The following WDR75 variants were observed in gnomAD, a reference collection of about 807,000 sequenced individuals.
WDR75 encodes WD repeat domain 75.
WDR75 carries 52 observed loss-of-function variants against 106.1 expected under a neutral mutation model. The ratio of observed to expected loss-of-function variants is 0.49; its 90% confidence interval spans 0.39 to 0.62. The LOEUF (loss-of-function observed/expected upper bound fraction) is 0.62. Among genes scored for constraint, WDR75 ranks in the 20% least tolerant of loss-of-function variants. The probability of loss-of-function intolerance (pLI) is 0.00; values close to 1 mark genes in which losing one functional copy is unlikely to be tolerated. For missense variants in WDR75, 905 were observed against 970.3 expected (o/e 0.93, Z 0.89); for synonymous variants, 333 against 335.5 (o/e 0.99, Z 0.08).
At chr2:189,455,717 T>G (rs1304392728) in intron 5 of WDR75, 1 of 224,860 alleles carries the variant, frequency 4.4e-6, no homozygotes, top group African/African-American at 2.3e-5. Context: ...TGTTAATTAA[T>G]TAATGTTTAT....
At chr2:189,474,471 T>A in intron 19 of WDR75, 139 bp downstream of exon 19, 1 of 1,069,140 alleles carries the variant, frequency 9.4e-7, no homozygotes. Flanking sequence ...ACAAACCGAG[T>A]AACTTAACCT....
intron 18 of WDR75, among the ~76,000 whole-genome samples, chr2:189,473,357 G>A (rs1437392824): frequency 6.6e-6 from 1 of 152,232 alleles, no homozygotes; most frequent in East Asian, 1.9e-4. Flanking sequence ...AGGTCTGGCA[G>A]AAATAGAAGA....
intron 18 of WDR75, among the ~76,000 whole-genome samples, chr2:189,471,908 G>A (rs554291648): frequency 6.6e-6 from 1 of 152,224 alleles, no homozygotes; most frequent in South Asian, 2.1e-4. Flanking sequence ...AGAGTTGTAG[G>A]TTGAAAATCA....
chr2:189,467,374 G>A (rs1687024527), intron 13 of WDR75, 94 bp from the exon 14 acceptor site: 1 of 1,341,720 alleles, frequency 7.5e-7, no homozygotes, highest in Non-Finnish European at 1.0e-6. Flanking sequence ...ACCACAGAAA[G>A]TGAACCCTCA....
intron 16 of WDR75, 73 bp from the exon 17 acceptor site, chr2:189,470,003 T>G: frequency 7.4e-7 from 1 of 1,345,284 alleles, no homozygotes. Context: ...AGGATTAGTG[T>G]GATCTGCCAG....
Position 189,449,636 on chromosome 2 carries a change from A to G in WDR75, c.216+1128A>G. 3 of 1,031,712 alleles carry G rather than the reference A, an allele frequency of 2.9e-6. No individual in the cohort carries two copies. In the South Asian group the frequency reaches 1.1e-4, roughly 37 times the overall value. 63.9% of individuals were successfully genotyped at this position (1,031,712 alleles called of 1,614,324 possible). The stretch of plus-strand genomic sequence containing the variant: ...GTTTTATCAGATTTGGTTGAGGTGC[A>G]GGGGCAGCAGTTCTGGACTTAGGAG... On this transcript the variant is annotated intron_variant, in intron 2 of 20. Coordinates refer to ENST00000314761, the MANE Select transcript of WDR75 (RefSeq NM_032168.3).
intron 2 of WDR75, chr2:189,450,556 A>C: frequency 6.6e-6 from 7 of 1,064,280 alleles, no homozygotes; most frequent in South Asian, 2.8e-5. Flanking sequence ...GCCTCAAGTG[A>C]TGCACCCACC....
chr2:189,474,082 C>G, intron 18 of WDR75, 104 bp from the exon 19 acceptor site: 6 of 1,239,282 alleles, frequency 4.8e-6, no homozygotes, highest in Non-Finnish European at 6.7e-6. Context: ...TTGTAAAATT[C>G]CTTTCATCCC....
At chr2:189,468,653 C>T in intron 15 of WDR75, 84 bp downstream of exon 15, 1 of 1,361,076 alleles carries the variant, frequency 7.3e-7, no homozygotes, top group Non-Finnish European at 1.0e-6. Flanking sequence ...ACTTAGGGAT[C>T]ATATCATCAG....
chr2:189,449,068 T>C (rs1574188496), intron 2 of WDR75, among the ~76,000 whole-genome samples: 1 of 152,316 alleles, frequency 6.6e-6, no homozygotes, highest in Non-Finnish European at 1.5e-5. Flanking sequence ...GGGAATTTAA[T>C]TTAGTCCAGA....
chr2:189,452,766 A>G (rs1170086341), intron 4 of WDR75, among the ~76,000 whole-genome samples: 1 of 152,228 alleles, frequency 6.6e-6, no homozygotes, highest in East Asian at 1.9e-4. Flanking sequence ...ACACATCTAT[A>G]GAAATTTTCT....
At position 189,466,550 on chromosome 2, in the gene WDR75, T is replaced by C; in HGVS notation, c.1415T>C (p.Val472Ala). Residue 472 changes from valine (V) to alanine (A), a missense_variant, in exon 13 of 21, where the codon GTA (valine) becomes GCA (alanine). Transcript: ENST00000314761. Reference sequence around the variant, plus strand: ...GCTAGCAAAGATGGTTACTTCAAAGTATGGATATTAACAGATGACTCTGAC... The same window carrying C: ...GCTAGCAAAGATGGTTACTTCAAAGCATGGATATTAACAGATGACTCTGAC... ...VTASKDGYFK[V>A]WILTDDSDIY... 6.2e-7 allele frequency: 1 copy of C among 1,613,060 alleles called. No homozygotes were observed. Among genetic ancestry groups the C allele is most frequent in the Non-Finnish European group, 8.5e-7 (1 of 1,179,276 alleles).
At chr2:189,464,936 A>C (rs1558987572) in intron 11 of WDR75, 143 bp from the exon 12 acceptor site, 4 of 551,892 alleles carry the variant, frequency 7.2e-6, no homozygotes. Context: ...CAATTAGTTC[A>C]TTTTTGCCTT....
chr2:189,470,013 GTCTGAGGC>G (rs1309364252), intron 16 of WDR75, 55 bp from the exon 17 acceptor site: 2 of 1,458,270 alleles, frequency 1.4e-6, no homozygotes, highest in Middle Eastern at 2.0e-4. Context: ...TGATCTGCCA[GTCTGAGGC>G]TAGAACTAAC....
chr2:189,467,890 G>A (rs1040744103), intron 14 of WDR75, among the ~76,000 whole-genome samples: 3 of 152,164 alleles, frequency 2.0e-5, no homozygotes, highest in African/African-American at 7.2e-5. Context: ...TTTCATGGAT[G>A]TGCTGAATGG....
intron 6 of WDR75, among the ~76,000 whole-genome samples, 174 bp downstream of exon 6, chr2:189,457,555 C>T (rs1421083927): frequency 3.9e-5 from 6 of 152,232 alleles, no homozygotes; most frequent in Admixed American, 2.6e-4. Context: ...TTTAAGCATA[C>T]TATTAGTCAC....
At chr2:189,456,845 GTATGAT>G (rs1686747078) in intron 5 of WDR75, among the ~76,000 whole-genome samples, 1 of 152,156 alleles carries the variant, frequency 6.6e-6, no homozygotes, top group Non-Finnish European at 1.5e-5. Context: ...TGTTTCAATA[GTATGAT>G]TATTCTTTCT....
intron 2 of WDR75, 143 bp from the exon 3 acceptor site, chr2:189,450,760 A>G: frequency 6.9e-7 from 1 of 1,443,710 alleles, no homozygotes; most frequent in Non-Finnish European, 9.0e-7. Flanking sequence ...TGCAGAAGCA[A>G]TATAAATAAA....
chr2:189,474,969 T>C (rs997440982), intron 20 of WDR75, among the ~76,000 whole-genome samples, 161 bp downstream of exon 20: 3 of 152,218 alleles, frequency 2.0e-5, no homozygotes, highest in African/African-American at 7.2e-5. Flanking sequence ...GTAACATACA[T>C]TGAAAATAAG....
Sources: gnomAD v4.1 joint callset for allele counts (sites outside exome capture counted in the v4.1 genomes callset) on GRCh38, gnomAD v4.1.1 for gene constraint, MANE v1.5 for transcripts, NCBI Gene and HGNC (gene_info 2026-07-23, HGNC 2026-07-21) for gene names.